The following COLEC12 variants were observed in gnomAD, a reference collection of about 807,000 sequenced individuals.
The protein encoded by COLEC12 is collectin-12.
In COLEC12, 33 loss-of-function variants were observed where a neutral mutation model predicts 71.1. The observed-to-expected ratio is 0.46, with a 90% CI of 0.35 to 0.62. The LOEUF (loss-of-function observed/expected upper bound fraction) is 0.62, where lower values mean the gene tolerates loss of function less well. Ranked by LOEUF, COLEC12 falls within the 20% of genes least tolerant of loss-of-function variation. COLEC12 has a pLI of 0.00. For missense variants in COLEC12, 765 were observed against 916.1 expected (o/e 0.84, Z 2.13); for synonymous variants, 350 against 353.0 (o/e 0.99, Z 0.10).
intron 2 of COLEC12, among the ~76,000 whole-genome samples, chr18:418,963 G>C (rs1474681177): frequency 6.6e-6 from 1 of 152,178 alleles, no homozygotes; most frequent in African/African-American, 2.4e-5. Context: ...TTGGGGTCTG[G>C]ATCAGGACCC....
At chr18:482,371 C>T (rs1226047549) in intron 1 of COLEC12, among the ~76,000 whole-genome samples, 2 of 152,054 alleles carry the variant, frequency 1.3e-5, no homozygotes, top group Admixed American at 1.3e-4. Flanking sequence ...ACCTCAGCCT[C>T]CCAAAGTGCT....
intron 2 of COLEC12, among the ~76,000 whole-genome samples, chr18:387,296 C>T (rs1380930155): frequency 6.6e-6 from 1 of 152,120 alleles, no homozygotes; most frequent in Non-Finnish European, 1.5e-5. Context: ...CTGAATAATT[C>T]ACTGAGGAAT....
chr18:405,542 A>C (rs1598353260), intron 2 of COLEC12, among the ~76,000 whole-genome samples: 1 of 152,274 alleles, frequency 6.6e-6, no homozygotes, highest in South Asian at 2.1e-4. Context: ...CAGCCGGCTG[A>C]CACTTATAGA....
rs192478271 is a variant in COLEC12, at chr18:395,680, T to C, written c.59-38158A>G. Among the ~76,000 whole-genome samples the C allele has an allele frequency of 5.6e-4, 86 of 152,290 alleles. 1 individual carries two copies. Among genetic ancestry groups the C allele is most frequent in the Admixed American group, 5.0e-3 (77 of 15,298 alleles). On this transcript the variant is annotated intron_variant, in intron 2 of 9. Coordinates refer to ENST00000400256, the MANE Select transcript of COLEC12 (RefSeq NM_130386.3). ...ATTGGAACCAGAGCACGTTTACATTTGAGACTTAAAATGTAGATTCCTCTT... is the reference window on the plus strand; with the variant it reads ...ATTGGAACCAGAGCACGTTTACATTCGAGACTTAAAATGTAGATTCCTCTT...
chr18:423,152 C>T (rs923638084), intron 2 of COLEC12, among the ~76,000 whole-genome samples: 20 of 152,108 alleles, frequency 1.3e-4, no homozygotes, highest in Admixed American at 3.9e-4. Flanking sequence ...GCCTGTAATC[C>T]TAGCTCCTTG....
At chr18:423,463 T>C (rs1916137724) in intron 2 of COLEC12, among the ~76,000 whole-genome samples, 2 of 152,100 alleles carry the variant, frequency 1.3e-5, no homozygotes, top group African/African-American at 2.4e-5. Flanking sequence ...GCCTCAAAAA[T>C]CCTTTTGGTT....
chr18:405,884 G>A (rs1299967108), intron 2 of COLEC12, among the ~76,000 whole-genome samples: 1 of 152,022 alleles, frequency 6.6e-6, no homozygotes, highest in Non-Finnish European at 1.5e-5. Flanking sequence ...TCTTGAAAAG[G>A]GCTGGGTAAA....
At chr18:471,364 AT>A (rs1295458849) in intron 2 of COLEC12, among the ~76,000 whole-genome samples, 1 of 150,650 alleles carries the variant, frequency 6.6e-6, no homozygotes, top group Non-Finnish European at 1.5e-5. Context: ...CCTCTTCCAA[AT>A]TTTTTTTCTT....
chr18:382,765 TCTC>T (rs67517164), intron 2 of COLEC12, among the ~76,000 whole-genome samples: 20,941 of 152,220 alleles, frequency 0.14, 1,621 homozygotes, highest in East Asian at 0.26. Flanking sequence ...CTGCTTCTTT[TCTC>T]CTTTTTGCTG....
chr18:475,053 G>C (rs1352644410), intron 2 of COLEC12, among the ~76,000 whole-genome samples: 1 of 151,268 alleles, frequency 6.6e-6, no homozygotes, highest in African/African-American at 2.4e-5. Context: ...CAGCCTGGGC[G>C]ACAAGAGCTA....
chr18:375,872 A>G (rs1253916874), intron 2 of COLEC12, among the ~76,000 whole-genome samples: 7 of 152,230 alleles, frequency 4.6e-5, no homozygotes, highest in Admixed American at 4.6e-4. Flanking sequence ...TAATGCCTGT[A>G]AAACACCTGA....
At chr18:497,430 G>C (rs1467901496) in intron 1 of COLEC12, among the ~76,000 whole-genome samples, 16 of 150,206 alleles carry the variant, frequency 1.1e-4, no homozygotes, top group Admixed American at 1.1e-3. Flanking sequence ...GTTTGAGAGA[G>C]TCTTGCTTCT....
At chr18:324,043 C>A (rs1036364288) in intron 8 of COLEC12, among the ~76,000 whole-genome samples, 2 of 152,032 alleles carry the variant, frequency 1.3e-5, no homozygotes, top group African/African-American at 4.8e-5. Context: ...AGTTCTGTGG[C>A]CATAAGCGGA....
At chr18:350,179 C>A (rs1914479309) in intron 3 of COLEC12, among the ~76,000 whole-genome samples, 1 of 152,108 alleles carries the variant, frequency 6.6e-6, no homozygotes, top group South Asian at 2.1e-4. Flanking sequence ...TGGGAAGGAC[C>A]CAGTGGGAGA....
intron 2 of COLEC12, among the ~76,000 whole-genome samples, chr18:374,041 T>C (rs1915059780): frequency 6.6e-6 from 1 of 152,156 alleles, no homozygotes; most frequent in Admixed American, 6.5e-5. Flanking sequence ...TTAAGCCACT[T>C]GGCTCTTGTG....
intron 2 of COLEC12, among the ~76,000 whole-genome samples, chr18:429,097 T>G (rs886545474): frequency 1.3e-5 from 2 of 152,154 alleles, no homozygotes; most frequent in African/African-American, 4.8e-5. Context: ...TTCCTAAACA[T>G]TAAGAAGGAA....
chr18:477,623 A>G (rs951254336), intron 2 of COLEC12, among the ~76,000 whole-genome samples: 5 of 152,212 alleles, frequency 3.3e-5, no homozygotes, highest in African/African-American at 1.2e-4. Flanking sequence ...GAGTGCTAAC[A>G]GCCCCAAATC....
At chr18:442,002 T>TACACACACACACACACAC (rs56024245) in intron 2 of COLEC12, among the ~76,000 whole-genome samples, 82 of 120,796 alleles carry the variant, frequency 6.8e-4, no homozygotes, top group African/African-American at 2.7e-3. Context: ...TCTCTCTCTC[T>TACACACACACACACACAC]ACACACACAC....
At chr18:336,014 CTT>C (rs1567876256) in intron 5 of COLEC12, among the ~76,000 whole-genome samples, 1 of 152,198 alleles carries the variant, frequency 6.6e-6, no homozygotes, top group East Asian at 1.9e-4. Flanking sequence ...CTTATTTCCT[CTT>C]GTCCTTAATT....
Sources: allele counts gnomAD v4.1 joint callset (sites outside exome capture counted in the v4.1 genomes callset), GRCh38; gene constraint gnomAD v4.1.1; transcripts MANE v1.5; gene names NCBI Gene and HGNC (gene_info 2026-07-23, HGNC 2026-07-21).